Variants in SETBP1 observed in about 807,000 individuals in gnomAD.
SETBP1 encodes the protein SET binding protein 1.
Under a neutral mutation model 101.0 loss-of-function variants are expected in SETBP1, and 9 were observed. The observed-to-expected ratio is 0.09, with a 90% CI of 0.05 to 0.16. The LOEUF is 0.16. SETBP1 is among the 10% of genes least tolerant of loss of function. SETBP1 has a pLI of 1.00. For missense variants in SETBP1, 1,858 were observed against 2,033.8 expected (o/e 0.91, Z 1.66); for synonymous variants, 818 against 788.5 (o/e 1.04, Z -0.63).
At position 45,059,879 on chromosome 18, in the gene SETBP1, T is replaced by C. The variant is rs187266767; in HGVS notation, c.4172-3200T>C. On this transcript the variant is annotated intron_variant, in intron 5 of 5. Coordinates refer to ENST00000649279, the MANE Select transcript of SETBP1 (RefSeq NM_015559.3). ...GCCTTGGGGGGAAGTAGATGTTGAGTAGTAGGTGAGTCATCCACCAAATCT... is the reference window on the plus strand; with the variant it reads ...GCCTTGGGGGGAAGTAGATGTTGAGCAGTAGGTGAGTCATCCACCAAATCT... 2.0e-3 allele frequency among the ~76,000 whole-genome samples: 298 copies of C among 152,230 alleles called. 1 individual carries two copies. Among genetic ancestry groups the C allele is most frequent in the Non-Finnish European group, 3.1e-3 (212 of 68,004 alleles).
intron 4 of SETBP1, among the ~76,000 whole-genome samples, chr18:45,037,731 G>A (rs1012367801): frequency 6.6e-6 from 1 of 152,066 alleles, no homozygotes; most frequent in South Asian, 2.1e-4. Flanking sequence ...AGGCTTTTCA[G>A]CATCATCATG....
chr18:44,971,720 G>A (rs1253625734), intron 4 of SETBP1, among the ~76,000 whole-genome samples: 1 of 152,132 alleles, frequency 6.6e-6, no homozygotes, highest in Non-Finnish European at 1.5e-5. Flanking sequence ...TTTTGATGGG[G>A]TTGTTTGTTT....
intron 4 of SETBP1, among the ~76,000 whole-genome samples, chr18:44,972,481 C>T (rs1299679513): frequency 6.6e-6 from 1 of 152,164 alleles, no homozygotes; most frequent in Non-Finnish European, 1.5e-5. Flanking sequence ...TGGCCATTTT[C>T]AAGATATTGA....
At chr18:44,766,072 A>G (rs1434552695) in intron 2 of SETBP1, among the ~76,000 whole-genome samples, 1 of 152,354 alleles carries the variant, frequency 6.6e-6, no homozygotes, top group East Asian at 1.9e-4. Context: ...ACTCACTTCT[A>G]TCTGAAAGGT....
intron 3 of SETBP1, among the ~76,000 whole-genome samples, chr18:44,899,714 G>A (rs1243881209): frequency 1.3e-5 from 2 of 152,132 alleles, no homozygotes; most frequent in Non-Finnish European, 2.9e-5. Context: ...CTATGTAGCT[G>A]GTCCTGACTC....
chr18:44,810,539 G>A lies in SETBP1; in HGVS notation c.487-58691G>A, dbSNP rs1300870556. Among the ~76,000 whole-genome samples, 7 of 152,190 alleles carry A rather than the reference G, an allele frequency of 4.6e-5. No individual in the cohort carries two copies. The South Asian group carries it at 1.2e-3, about 27-fold the overall frequency. ...AATAATGGAACCCCCAAACAGCATA[G>A]GAGAATTCCATTCCCAAAGCTTTCC... On this transcript the variant is annotated intron_variant, in intron 2 of 5. Transcript: ENST00000649279.
intron 3 of SETBP1, among the ~76,000 whole-genome samples, chr18:44,917,709 T>C (rs2070469830): frequency 6.6e-6 from 1 of 152,158 alleles, no homozygotes. Context: ...CAGCTTGTCC[T>C]CAAGCCTGCC....
rs540605737 is a variant in SETBP1 at position 44,738,099 on chromosome 18, G to T, written c.486+36267G>T. Among the ~76,000 whole-genome samples, 3 of 152,264 alleles carry T rather than the reference G, an allele frequency of 2.0e-5. No homozygotes were observed. In the South Asian group the frequency reaches 6.2e-4, roughly 32 times the overall value. ...TGGGTCTTCCTCCTCTGAGAACCTAGCATGTGGTGTTCTTTGTGACTTGCC... is the reference window on the plus strand; with the variant it reads ...TGGGTCTTCCTCCTCTGAGAACCTATCATGTGGTGTTCTTTGTGACTTGCC... On this transcript the variant is annotated intron_variant, in intron 2 of 5. Transcript: ENST00000649279.
chr18:44,819,101 A>C (rs1294271321), intron 2 of SETBP1, among the ~76,000 whole-genome samples: 1 of 151,888 alleles, frequency 6.6e-6, no homozygotes, highest in Non-Finnish European at 1.5e-5. Flanking sequence ...ATTCTCTGAG[A>C]TTGTTTCATT....
chr18:44,680,557 G>A (rs1028391357), upstream of SETBP1, among the ~76,000 whole-genome samples: 6 of 152,162 alleles, frequency 3.9e-5, no homozygotes, highest in Non-Finnish European at 8.8e-5. Flanking sequence ...CGGGAAGGGG[G>A]AGACCGGGCC....
chr18:44,794,939 C>T (rs890874547), intron 2 of SETBP1, among the ~76,000 whole-genome samples: 7 of 152,124 alleles, frequency 4.6e-5, no homozygotes, highest in African/African-American at 7.2e-5. Flanking sequence ...ATATTATAGA[C>T]GAGGCTCAGA....
intron 2 of SETBP1, 24 bp from the exon 3 acceptor site, chr18:44,869,206 G>A: frequency 6.2e-7 from 1 of 1,613,186 alleles, no homozygotes; most frequent in Non-Finnish European, 8.5e-7. Context: ...GTGTCACTGA[G>A]AAAATTTCTT....
chr18:44,960,831 T>TCCACCCC (rs1395533442), intron 4 of SETBP1, among the ~76,000 whole-genome samples: 16 of 152,102 alleles, frequency 1.1e-4, no homozygotes, highest in African/African-American at 3.6e-4. Context: ...TCCTCCACCC[T>TCCACCCC]CCACCCCCGG....
chr18:44,776,908 T>G (rs1389784045), intron 2 of SETBP1, among the ~76,000 whole-genome samples: 1 of 152,192 alleles, frequency 6.6e-6, no homozygotes, highest in Non-Finnish European at 1.5e-5. Flanking sequence ...TGACTCAGTT[T>G]CCACACTGGG....
intron 4 of SETBP1, among the ~76,000 whole-genome samples, chr18:44,971,633 C>T (rs540949976): frequency 3.3e-4 from 51 of 152,258 alleles, no homozygotes; most frequent in African/African-American, 1.1e-3. Context: ...CCAGTGATGA[C>T]GAGCATTTTT....
intron 4 of SETBP1, 52 bp from the exon 5 acceptor site, chr18:45,038,433 A>C: frequency 6.5e-7 from 1 of 1,543,854 alleles, no homozygotes; most frequent in Non-Finnish European, 9.0e-7. Flanking sequence ...CATGTTGTCT[A>C]TCTTCCTGTT....
At chr18:44,693,306 A>G (rs1174464473) in intron 1 of SETBP1, among the ~76,000 whole-genome samples, 1 of 152,202 alleles carries the variant, frequency 6.6e-6, no homozygotes, top group Non-Finnish European at 1.5e-5. Flanking sequence ...GACCATGGTG[A>G]GCCAAATAGG....
At chr18:45,009,234 G>A (rs1274521273) in intron 4 of SETBP1, among the ~76,000 whole-genome samples, 1 of 151,896 alleles carries the variant, frequency 6.6e-6, no homozygotes, top group Non-Finnish European at 1.5e-5. Context: ...AGCTTGGGCT[G>A]CAGCTGCAGC....
intron 2 of SETBP1, among the ~76,000 whole-genome samples, chr18:44,799,813 C>CT (rs956484243): frequency 6.6e-6 from 1 of 152,126 alleles, no homozygotes; most frequent in Admixed American, 6.6e-5. Flanking sequence ...ACTCACCTCC[C>CT]TTTTGTGATC....
Sources: gnomAD v4.1 joint callset for allele counts (sites outside exome capture counted in the v4.1 genomes callset) on GRCh38, gnomAD v4.1.1 for gene constraint, MANE v1.5 for transcripts, NCBI Gene and HGNC (gene_info 2026-07-23, HGNC 2026-07-21) for gene names.